Variants in TBK1 observed in about 807,000 individuals in gnomAD.
The protein encoded by TBK1 is TANK binding kinase 1.
In TBK1, 37 loss-of-function variants were observed where a neutral mutation model predicts 99.9. That is an observed-to-expected ratio of 0.37 (90% CI 0.28 to 0.49). The LOEUF is 0.49. Among genes scored for constraint, TBK1 ranks in the 20% least tolerant of loss-of-function variants. The probability of loss-of-function intolerance (pLI) is 0.98; values close to 1 mark genes in which losing one functional copy is unlikely to be tolerated. For missense variants in TBK1, 644 were observed against 872.5 expected (o/e 0.74, Z 3.30); for synonymous variants, 258 against 279.8 (o/e 0.92, Z 0.78).
At position 64,488,516 on chromosome 12, in the gene TBK1, C is replaced by G. The variant is rs1303427064; in HGVS notation, c.1370C>G (p.Thr457Ser). The G allele has an allele frequency of 1.3e-6, 2 of 1,597,630 alleles. No homozygotes were observed. Among genetic ancestry groups the G allele is most frequent in the Non-Finnish European group, 1.7e-6 (2 of 1,173,950 alleles). The part of the protein sequence containing the change: ...IELIKDDYNE[T>S]VHKKTEVVIT... ...TTAATTAAAGATGATTACAATGAAACTGTTCACAAAAAGACAGAAGTTGTG... is the reference window on the plus strand; with the variant it reads ...TTAATTAAAGATGATTACAATGAAAGTGTTCACAAAAAGACAGAAGTTGTG... The change falls in exon 12 of 21, where the codon ACT becomes AGT. Residue 457 changes from threonine (T) to serine (S), a missense_variant. By Grantham distance (58) the Thr-to-Ser change is moderately conservative. Transcript: ENST00000331710.
chr12:64,476,809 C>A (rs981332690), intron 6 of TBK1, among the ~76,000 whole-genome samples: 4 of 152,268 alleles, frequency 2.6e-5, no homozygotes, highest in Middle Eastern at 3.4e-3. Flanking sequence ...TGAGGTCTTA[C>A]ATTTAAGTCT....
chr12:64,467,156 G>A, intron 5 of TBK1, 74 bp downstream of exon 5: 2 of 1,149,828 alleles, frequency 1.7e-6, no homozygotes, highest in Non-Finnish European at 2.4e-6. Flanking sequence ...TAATTGGTCA[G>A]CCAATTCACT....
Position 64,484,477 on chromosome 12 carries a change from C to T in TBK1, c.1167C>T (p.Thr389=). ...TAGTAAGCCGGGAACCTCTGAATAC[C>T]ATAGGATTAATATATGAAAAAAGTA... ...IFVVSREPLN[T]IGLIYEKISL... is the part of the protein sequence containing the mutation. The change falls in exon 9 of 21, where the codon ACC becomes ACT. Residue 389 remains threonine (T), a synonymous_variant. Transcript: ENST00000331710. The T allele has an allele frequency of 6.2e-7, 1 of 1,605,808 alleles. No homozygotes were observed. The highest frequency in any genetic ancestry group is 8.5e-7 in the Non-Finnish European group (1 of 1,177,904).
chr12:64,477,044 A>G (rs2040721240), intron 6 of TBK1, among the ~76,000 whole-genome samples: 1 of 152,160 alleles, frequency 6.6e-6, no homozygotes, highest in Non-Finnish European at 1.5e-5. Context: ...TTTTTGTACC[A>G]GTACCATGCT....
intron 5 of TBK1, among the ~76,000 whole-genome samples, chr12:64,473,671 A>G (rs2040682657): frequency 6.6e-6 from 1 of 152,156 alleles, no homozygotes; most frequent in Non-Finnish European, 1.5e-5. Context: ...CATGCCTGTA[A>G]TCCCAGTACT....
At chr12:64,458,417 A>G (rs2040512382) in intron 2 of TBK1, among the ~76,000 whole-genome samples, 1 of 151,822 alleles carries the variant, frequency 6.6e-6, no homozygotes, top group Admixed American at 6.6e-5. Context: ...TTACTAAAGT[A>G]TGAGTGTGGG....
chr12:64,463,348 C>T (rs1189205367), intron 3 of TBK1, among the ~76,000 whole-genome samples: 1 of 150,582 alleles, frequency 6.6e-6, no homozygotes, highest in Non-Finnish European at 1.5e-5. Flanking sequence ...CCACTGCGCT[C>T]CAGCCTGGGT....
In TBK1 at chr12:64,490,026, T is replaced by C; in HGVS notation, c.1443-15T>C. Reference sequence around the variant, plus strand: ...ATTATACTCATTTAATTTTCTCTTTTGACTTTTCATACAGATATGAAAAGT... The same window carrying C: ...ATTATACTCATTTAATTTTCTCTTTCGACTTTTCATACAGATATGAAAAGT... On this transcript the variant is annotated splice_polypyrimidine_tract_variant and intron_variant, in intron 12 of 20. Coordinates refer to ENST00000331710, the MANE Select transcript of TBK1 (RefSeq NM_013254.4). 1 of 1,577,596 alleles carries C rather than the reference T, an allele frequency of 6.3e-7. No individual in the cohort carries two copies. Among genetic ancestry groups the C allele is most frequent in the Admixed American group, 1.8e-5 (1 of 55,840 alleles).
At chr12:64,459,137 G>A (rs535476054) in intron 2 of TBK1, among the ~76,000 whole-genome samples, 7 of 152,280 alleles carry the variant, frequency 4.6e-5, no homozygotes, top group Non-Finnish European at 8.8e-5. Context: ...CTGACAGAGA[G>A]CCATGAAATG....
chr12:64,460,404 A>AT, intron 3 of TBK1, 75 bp downstream of exon 3: 1 of 1,235,282 alleles, frequency 8.1e-7, no homozygotes, highest in Non-Finnish European at 1.1e-6. Context: ...TAAAAAATGG[A>AT]TTTTTTAAAA....
rs142207413 is a variant in TBK1, at chr12:64,457,974, G to A, written c.87+2017G>A. On this transcript the variant is annotated intron_variant, in intron 2 of 20. Transcript: ENST00000331710. ...ATTAAAAGATTGTGAAGTCGAGCATGGTGGCTCACGCCTGTAATCCCAGCA... is the reference window on the plus strand; with the variant it reads ...ATTAAAAGATTGTGAAGTCGAGCATAGTGGCTCACGCCTGTAATCCCAGCA... Among the ~76,000 whole-genome samples the A allele has an allele frequency of 2.6e-5, 4 of 152,212 alleles. No homozygotes were observed. The East Asian group carries it at 5.8e-4, about 22-fold the overall frequency.
chr12:64,487,373 C>T lies in TBK1; in HGVS notation c.1341-1114C>T, dbSNP rs114010047. On this transcript the variant is annotated intron_variant, in intron 11 of 20. Coordinates refer to ENST00000331710, the MANE Select transcript of TBK1 (RefSeq NM_013254.4). ...ATGTATGCCTACCTCATACCCACCCCGTCTTGCAAAAGTGTGTATGAAGCA... is the reference window on the plus strand; with the variant it reads ...ATGTATGCCTACCTCATACCCACCCTGTCTTGCAAAAGTGTGTATGAAGCA... Among the ~76,000 whole-genome samples the T allele has an allele frequency of 3.2e-3, 484 of 152,280 alleles. 5 individuals carry two copies. The highest frequency in any genetic ancestry group is 0.011 in the African/African-American group (461 of 41,534).
chr12:64,480,440 A>G (rs1288613309), intron 7 of TBK1, among the ~76,000 whole-genome samples: 2 of 152,114 alleles, frequency 1.3e-5, no homozygotes, highest in Non-Finnish European at 2.9e-5. Context: ...TGACCTCCAT[A>G]TTGATGGATA....
intron 6 of TBK1, among the ~76,000 whole-genome samples, chr12:64,476,300 G>A (rs1468670335): frequency 3.3e-5 from 5 of 151,704 alleles, no homozygotes; most frequent in African/African-American, 7.3e-5. Flanking sequence ...TGAGACTACA[G>A]GCACGTGCCA....
intron 2 of TBK1, among the ~76,000 whole-genome samples, chr12:64,456,699 A>G (rs930156145): frequency 6.6e-5 from 10 of 151,844 alleles, no homozygotes; most frequent in Non-Finnish European, 1.0e-4. Flanking sequence ...AAAATTAGCC[A>G]GGCGTGGTGG....
In TBK1 at chr12:64,484,418, T is replaced by G; in HGVS notation, c.1108T>G (p.Phe370Val). ...AGAACCTGGAAGGCTGGCACAACAT[T>G]TCCCTAAAACTACTGAGGAAAACCC... ...VLEPGRLAQH[F>V]PKTTEENPIF... Residue 370 changes from phenylalanine (F) to valine (V), a missense_variant, in exon 9 of 21, where the codon TTC becomes GTC. Phe to Val is a conservative substitution (Grantham distance 50, BLOSUM62 -1). Coordinates refer to ENST00000331710, the MANE Select transcript of TBK1 (RefSeq NM_013254.4). The G allele has an allele frequency of 6.2e-7, 1 of 1,614,084 alleles. No homozygotes were observed. The highest frequency in any genetic ancestry group is 8.5e-7 in the Non-Finnish European group (1 of 1,179,988).
chr12:64,484,659 G>A (rs2040801218), intron 9 of TBK1, among the ~76,000 whole-genome samples, 160 bp downstream of exon 9: 1 of 152,130 alleles, frequency 6.6e-6, no homozygotes, highest in South Asian at 2.1e-4. Context: ...GGCTGAGGTA[G>A]GAGGATCACT....
intron 3 of TBK1, among the ~76,000 whole-genome samples, chr12:64,461,168 AATAATT>A (rs2040544891): frequency 1.3e-5 from 2 of 151,936 alleles, no homozygotes; most frequent in Admixed American, 6.5e-5. Context: ...AGTTAAATCT[AATAATT>A]ATAAAGAGAA....
At chr12:64,467,135 T>G in intron 5 of TBK1, 53 bp downstream of exon 5, 1 of 1,370,348 alleles carries the variant, frequency 7.3e-7, no homozygotes, top group East Asian at 2.6e-5. Flanking sequence ...TATATTGTAA[T>G]TATAATTGGG....
Sources: gnomAD v4.1 joint callset for allele counts (sites outside exome capture counted in the v4.1 genomes callset) on GRCh38, gnomAD v4.1.1 for gene constraint, MANE v1.5 for transcripts, NCBI Gene and HGNC (gene_info 2026-07-23, HGNC 2026-07-21) for gene names.